ATXN7L1: variants seen among roughly 807,000 people sequenced by gnomAD.
The protein encoded by ATXN7L1 is ataxin-7-like protein 1.
Under a neutral mutation model 70.8 loss-of-function variants are expected in ATXN7L1, and 15 were observed. The ratio of observed to expected loss-of-function variants is 0.21; its 90% confidence interval spans 0.14 to 0.33. ATXN7L1 has a LOEUF of 0.33. Among genes scored for constraint, ATXN7L1 ranks in the 10% least tolerant of loss-of-function variants. The pLI, the probability that ATXN7L1 is intolerant of heterozygous loss-of-function variation, is 1.00. For synonymous variants in ATXN7L1, 440 were observed against 445.1 expected, an observed-to-expected ratio of 0.99 and a Z score of 0.14; for missense variants, 975 against 1,097.1, an observed-to-expected ratio of 0.89 and a Z score of 1.57.
At chr7:105,672,006 G>A (rs922751299) in intron 3 of ATXN7L1, among the ~76,000 whole-genome samples, 1 of 150,464 alleles carries the variant, frequency 6.6e-6, no homozygotes, top group African/African-American at 2.5e-5. Context: ...AGAGAGGCAC[G>A]GCCGGGCGTG....
At chr7:105,722,429 G>A (rs574280261) in intron 3 of ATXN7L1, among the ~76,000 whole-genome samples, 6 of 152,022 alleles carry the variant, frequency 3.9e-5, no homozygotes, top group Admixed American at 3.3e-4. Context: ...GGGCATGGTA[G>A]TACAGGCCTA....
intron 3 of ATXN7L1, among the ~76,000 whole-genome samples, chr7:105,683,855 C>T (rs1026435007): frequency 1.1e-4 from 17 of 152,160 alleles, no homozygotes; most frequent in Admixed American, 3.3e-4. Flanking sequence ...CTGATACAGC[C>T]GCCATTTCCA....
intron 2 of ATXN7L1, among the ~76,000 whole-genome samples, chr7:105,792,154 G>A (rs1034199903): frequency 3.9e-5 from 6 of 152,098 alleles, no homozygotes; most frequent in East Asian, 1.9e-4. Flanking sequence ...GTAAAGGTTC[G>A]GCTCCTTAGA....
chr7:105,872,907 C>CA (rs1818482359), intron 2 of ATXN7L1, among the ~76,000 whole-genome samples: 1 of 151,388 alleles, frequency 6.6e-6, no homozygotes, highest in Admixed American at 6.6e-5. Context: ...GTAATCCCAG[C>CA]ACTTTGGGAG....
chr7:105,664,988 G>C (rs1276471367), intron 4 of ATXN7L1, 78 bp downstream of exon 4: 1 of 1,385,606 alleles, frequency 7.2e-7, no homozygotes, highest in Non-Finnish European at 9.9e-7. Context: ...CAAAGCCAGA[G>C]AGTAAATACT....
At chr7:105,858,875 T>A (rs1816123806) in intron 2 of ATXN7L1, among the ~76,000 whole-genome samples, 1 of 151,706 alleles carries the variant, frequency 6.6e-6, no homozygotes, top group African/African-American at 2.4e-5. Context: ...TTTTATATAT[T>A]TATATATAAA....
chr7:105,748,026 G>A lies in ATXN7L1; in HGVS notation c.355+40578C>T, dbSNP rs1373139139. ...CCCAGCTACTGAGGAGCCTGAGGCA[G>A]GGAATTGCTTGAACCTGGGAGGTGG... is the stretch of plus-strand genomic sequence containing the variant. On this transcript the variant is annotated intron_variant, in intron 3 of 11. Transcript: ENST00000419735. Among the ~76,000 whole-genome samples the A allele has an allele frequency of 2.0e-5, 3 of 151,732 alleles. No homozygotes were observed. The East Asian group carries it at 5.8e-4, about 29-fold the overall frequency.
chr7:105,749,116 G>A (rs192630371), intron 3 of ATXN7L1, among the ~76,000 whole-genome samples: 13 of 148,308 alleles, frequency 8.8e-5, no homozygotes, highest in East Asian at 6.3e-4. Context: ...ATTTTAGACT[G>A]AGACTAATGT....
intron 3 of ATXN7L1, among the ~76,000 whole-genome samples, chr7:105,688,225 C>A (rs1584731216): frequency 6.6e-6 from 1 of 152,128 alleles, no homozygotes; most frequent in Admixed American, 6.5e-5. Flanking sequence ...GATATCAATT[C>A]CTGTACTTCG....
chr7:105,756,065 TCCTCCCATTTTTTGCATG>T (rs1799765283), intron 3 of ATXN7L1, among the ~76,000 whole-genome samples: 1 of 152,084 alleles, frequency 6.6e-6, no homozygotes, highest in African/African-American at 2.4e-5. Flanking sequence ...TGCATTTCAG[TCCTCCCATTTTTTGCATG>T]CCTTTTAAAC....
chr7:105,859,036 G>A (rs1290852450), intron 2 of ATXN7L1, among the ~76,000 whole-genome samples: 1 of 151,960 alleles, frequency 6.6e-6, no homozygotes, highest in Non-Finnish European at 1.5e-5. Flanking sequence ...GAAAAATGCA[G>A]CTATAAGCTT....
intron 3 of ATXN7L1, among the ~76,000 whole-genome samples, chr7:105,749,747 TC>T (rs35523108): frequency 0.47 from 71,673 of 151,576 alleles, 19,283 homozygotes; most frequent in Non-Finnish European, 0.6. Context: ...CAGCACCAGA[TC>T]ACTTGTGGGG....
intron 3 of ATXN7L1, among the ~76,000 whole-genome samples, chr7:105,759,027 T>G (rs1431611961): frequency 6.6e-6 from 1 of 152,110 alleles, no homozygotes; most frequent in African/African-American, 2.4e-5. Context: ...AAAGTTTTCT[T>G]GCATGTTGCC....
At position 105,605,876 on chromosome 7, in the gene ATXN7L1, T is replaced by C. The variant is rs1006738552; in HGVS notation, c.*1976A>G. ...ATTGCTTAAACTTTCCTAAGTTTCA[T>C]ATTGTTTCTGAAACTATTCTGGTCA... On this transcript the variant is annotated 3_prime_UTR_variant, in exon 12 of 12. Transcript: ENST00000419735. 3 of 152,228 alleles carry C rather than the reference T, an allele frequency of 2.0e-5. No homozygotes were observed. Among genetic ancestry groups the C allele is most frequent in the African/African-American group, 7.2e-5 (3 of 41,460 alleles). The allele number at this position is 152,228 out of a possible 1,614,324, so 9.4% of individuals were successfully genotyped here.
chr7:105,813,856 C>T (rs1321786303), intron 2 of ATXN7L1, among the ~76,000 whole-genome samples: 4 of 152,080 alleles, frequency 2.6e-5, no homozygotes, highest in Non-Finnish European at 4.4e-5. Flanking sequence ...ATTATCTGAA[C>T]CTGAATTCTG....
intron 2 of ATXN7L1, among the ~76,000 whole-genome samples, chr7:105,844,587 A>G (rs1166948279): frequency 6.6e-6 from 1 of 152,222 alleles, no homozygotes; most frequent in Non-Finnish European, 1.5e-5. Flanking sequence ...CAACTTGATA[A>G]AGTGTATTTA....
intron 3 of ATXN7L1, among the ~76,000 whole-genome samples, chr7:105,741,495 C>T (rs148342890): frequency 2.6e-5 from 4 of 152,226 alleles, no homozygotes; most frequent in East Asian, 3.9e-4. Context: ...AGTATCAGTA[C>T]GATGCCTCCG....
chr7:105,624,705 A>G (rs982954068), intron 7 of ATXN7L1, among the ~76,000 whole-genome samples: 1 of 151,480 alleles, frequency 6.6e-6, no homozygotes, highest in African/African-American at 2.4e-5. Context: ...GGGAGGGCAC[A>G]TTGGTGGTGA....
At chr7:105,780,044 T>A (rs948212672) in intron 3 of ATXN7L1, among the ~76,000 whole-genome samples, 1 of 152,170 alleles carries the variant, frequency 6.6e-6, no homozygotes, top group Non-Finnish European at 1.5e-5. Context: ...TAGCAGGTGA[T>A]AATGCCCCTG....
Sources: gnomAD v4.1 joint callset for allele counts (sites outside exome capture counted in the v4.1 genomes callset) on GRCh38, gnomAD v4.1.1 for gene constraint, MANE v1.5 for transcripts, NCBI Gene and HGNC (gene_info 2026-07-23, HGNC 2026-07-21) for gene names.